Variants in SPMAP2L observed in about 807,000 individuals in gnomAD.
SPMAP2L encodes sperm microtubule associated protein 2-like.
the SPMAP2L span, chr4:56,594,608 C>G: frequency 2.0e-6 from 3 of 1,506,222 alleles, no homozygotes; most frequent in Non-Finnish European, 2.8e-6. Flanking sequence ...GAAATCAACA[C>G]ATGGGACCAA....
chr4:56,607,471 G>T, the SPMAP2L span, among the ~76,000 whole-genome samples: 5 of 152,294 alleles, frequency 3.3e-5, no homozygotes, highest in Middle Eastern at 3.4e-3. Flanking sequence ...TTAGTACCAG[G>T]AGTGGAGTAC....
chr4:56,563,188 G>A, the SPMAP2L span, among the ~76,000 whole-genome samples: 1 of 147,746 alleles, frequency 6.8e-6, no homozygotes, highest in Non-Finnish European at 1.5e-5. Flanking sequence ...TTCCTCCTGG[G>A]TTCAAGAGAT....
At chr4:56,563,168 C>T in the SPMAP2L span, among the ~76,000 whole-genome samples, 1 of 145,702 alleles carries the variant, frequency 6.9e-6, no homozygotes, top group Non-Finnish European at 1.5e-5. Context: ...TCTTGGCTCA[C>T]TGCAACCTCT....
the SPMAP2L span, among the ~76,000 whole-genome samples, chr4:56,554,116 G>A: frequency 5.0e-4 from 76 of 152,162 alleles, no homozygotes; most frequent in African/African-American, 1.8e-3. Context: ...GGGCATCATG[G>A]TTGCTTCCAA....
chr4:56,571,349 C>G, the SPMAP2L span, among the ~76,000 whole-genome samples: 1 of 144,388 alleles, frequency 6.9e-6, no homozygotes, highest in Non-Finnish European at 1.5e-5. Flanking sequence ...AGAGGTCTTG[C>G]TCTGTTGCCC....
chr4:56,536,610 G>A, the SPMAP2L span, among the ~76,000 whole-genome samples: 827 of 152,236 alleles, frequency 5.4e-3, 10 homozygotes, highest in African/African-American at 0.019. Flanking sequence ...TCATTTGACC[G>A]CTGTGTTACC....
chr4:56,568,968 C>T, the SPMAP2L span, among the ~76,000 whole-genome samples: 1 of 152,306 alleles, frequency 6.6e-6, no homozygotes, highest in South Asian at 2.1e-4. Context: ...CAAGATTCAT[C>T]TGTGTTGTAG....
chr4:56,584,660 G>A, the SPMAP2L span: 1 of 1,218,042 alleles, frequency 8.2e-7, no homozygotes, highest in Non-Finnish European at 1.2e-6. Context: ...CTTGTAACAT[G>A]CTGCCTACCC....
chr4:56,567,273 T>A, the SPMAP2L span, among the ~76,000 whole-genome samples: 984 of 151,108 alleles, frequency 6.5e-3, 6 homozygotes, highest in Middle Eastern at 0.037. Flanking sequence ...TTAATAATAT[T>A]TTTTTTTAAT....
chr4:56,586,340 A>G, the SPMAP2L span, among the ~76,000 whole-genome samples: 1 of 152,220 alleles, frequency 6.6e-6, no homozygotes, highest in Non-Finnish European at 1.5e-5. Flanking sequence ...ATTTTGCTGT[A>G]TACTCACATG....
the SPMAP2L span, among the ~76,000 whole-genome samples, chr4:56,555,460 A>G: frequency 2.8e-3 from 426 of 152,250 alleles, 2 homozygotes; most frequent in African/African-American, 9.7e-3. Flanking sequence ...TTGTCTTTCT[A>G]TATAAACTAT....
chr4:56,548,721 A>G, the SPMAP2L span: 1 of 1,094,300 alleles, frequency 9.1e-7, no homozygotes, highest in South Asian at 2.0e-5. Flanking sequence ...TTAATTTGTG[A>G]TGCTATCTTA....
the SPMAP2L span, among the ~76,000 whole-genome samples, chr4:56,531,817 T>C: frequency 2.0e-5 from 3 of 152,230 alleles, no homozygotes; most frequent in Non-Finnish European, 4.4e-5. Flanking sequence ...AAAGCAATTA[T>C]TTGTCCTCAT....
the SPMAP2L span, chr4:56,552,586 C>G: frequency 6.5e-7 from 1 of 1,527,364 alleles, no homozygotes. Flanking sequence ...TCTTTCAAAG[C>G]CTAAAAAGCA....
chr4:56,626,111 C>T, the SPMAP2L span, among the ~76,000 whole-genome samples: 3 of 152,084 alleles, frequency 2.0e-5, no homozygotes, highest in Non-Finnish European at 2.9e-5. Flanking sequence ...AGGAATGAGA[C>T]ATAGGACAGA....
the SPMAP2L span, among the ~76,000 whole-genome samples, chr4:56,623,965 G>A: frequency 6.6e-6 from 1 of 152,198 alleles, no homozygotes; most frequent in Non-Finnish European, 1.5e-5. Flanking sequence ...ACAGGCAGAG[G>A]CTGGAACAGT....
chr4:56,595,368 G>C, the SPMAP2L span: 1 of 1,604,646 alleles, frequency 6.2e-7, no homozygotes, highest in Admixed American at 1.7e-5. Flanking sequence ...GGACCCTCAT[G>C]GTTGAGCCCA....
the SPMAP2L span, among the ~76,000 whole-genome samples, chr4:56,557,184 G>A: frequency 6.6e-6 from 1 of 151,592 alleles, no homozygotes; most frequent in Non-Finnish European, 1.5e-5. Flanking sequence ...GGGAGGCTGA[G>A]GTTGCAGTGA....
At chr4:56,551,064 A>G in the SPMAP2L span, among the ~76,000 whole-genome samples, 1 of 151,958 alleles carries the variant, frequency 6.6e-6, no homozygotes, top group African/African-American at 2.4e-5. Context: ...ATCAATCACC[A>G]CTTAATTAGG....
Sources: gnomAD v4.1 joint callset for allele counts (sites outside exome capture counted in the v4.1 genomes callset) on GRCh38, gnomAD v4.1.1 for gene constraint, MANE v1.5 for transcripts, NCBI Gene and HGNC (gene_info 2026-07-23, HGNC 2026-07-21) for gene names.